FAF1: variants seen among roughly 807,000 people sequenced by gnomAD.
FAF1 encodes the protein Fas associated factor 1.
Under a neutral mutation model 92.5 loss-of-function variants are expected in FAF1, and 25 were observed. The observed-to-expected ratio is 0.27, with a 90% CI of 0.20 to 0.38. The LOEUF (loss-of-function observed/expected upper bound fraction) is 0.38. FAF1 is among the 10% of genes least tolerant of loss of function. The pLI is 1.00. For missense variants in FAF1, 636 were observed against 793.3 expected, an observed-to-expected ratio of 0.80 and a Z score of 2.38; for synonymous variants, 234 against 273.2, an observed-to-expected ratio of 0.86 and a Z score of 1.42.
chr1:50,569,627 G>C (rs959684803), intron 12 of FAF1, among the ~76,000 whole-genome samples: 1 of 152,152 alleles, frequency 6.6e-6, no homozygotes, highest in African/African-American at 2.4e-5. Flanking sequence ...GTGGGAAAAA[G>C]AGAGCTGTCC....
At chr1:50,720,906 A>C (rs1251814118) in intron 6 of FAF1, among the ~76,000 whole-genome samples, 1 of 152,110 alleles carries the variant, frequency 6.6e-6, no homozygotes, top group Non-Finnish European at 1.5e-5. Context: ...ACCATCCACC[A>C]GAAGCCCCAC....
intron 15 of FAF1, among the ~76,000 whole-genome samples, chr1:50,498,469 G>A (rs1572786961): frequency 6.6e-6 from 1 of 152,142 alleles, no homozygotes; most frequent in East Asian, 1.9e-4. Flanking sequence ...CAGAATGGAA[G>A]AAAATATTTG....
chr1:50,530,905 TAAAC>T (rs1248936903), intron 15 of FAF1, among the ~76,000 whole-genome samples: 1 of 152,118 alleles, frequency 6.6e-6, no homozygotes. Flanking sequence ...GATGAGATTT[TAAAC>T]AAAGGAAAGG....
chr1:50,706,084 C>G, intron 6 of FAF1, 193 bp from the exon 7 acceptor site: 1 of 477,178 alleles, frequency 2.1e-6, no homozygotes, highest in Non-Finnish European at 3.8e-6. Flanking sequence ...CCTGTTAACT[C>G]TTTCTCTACC....
chr1:50,457,506 A>G (rs1646368231), intron 18 of FAF1, among the ~76,000 whole-genome samples: 1 of 152,206 alleles, frequency 6.6e-6, no homozygotes. Context: ...CTGCGAAAGC[A>G]ACTAGAATAC....
At position 50,670,345 on chromosome 1, in the gene FAF1, C is replaced by A. The variant is rs765915657; in HGVS notation, c.658-14817G>T. On this transcript the variant is annotated intron_variant, in intron 7 of 18. Transcript: ENST00000396153. ...TCAAACAATCTGCCTACCTGCACCTCCCAAAGTGCTGGGATTACAGGTGTG... is the reference window on the plus strand; with the variant it reads ...TCAAACAATCTGCCTACCTGCACCTACCAAAGTGCTGGGATTACAGGTGTG... 1.2e-4 allele frequency among the ~76,000 whole-genome samples: 18 copies of A among 152,006 alleles called. No individual in the cohort carries two copies. In the East Asian group the frequency reaches 3.5e-3, roughly 29 times the overall value.
intron 15 of FAF1, among the ~76,000 whole-genome samples, chr1:50,519,586 G>A (rs1358957834): frequency 5.3e-5 from 8 of 152,298 alleles, no homozygotes; most frequent in Admixed American, 6.5e-5. Context: ...TTTTGGTGTG[G>A]TTTATGCTAA....
At chr1:50,835,111 A>G (rs1644188716) in intron 2 of FAF1, among the ~76,000 whole-genome samples, 1 of 152,212 alleles carries the variant, frequency 6.6e-6, no homozygotes, top group Non-Finnish European at 1.5e-5. Context: ...TGAAGATGAG[A>G]AAAGAAGGCA....
At chr1:50,835,029 G>C (rs1644187817) in intron 2 of FAF1, among the ~76,000 whole-genome samples, 1 of 152,172 alleles carries the variant, frequency 6.6e-6, no homozygotes, top group South Asian at 2.1e-4. Context: ...AGGGCAAGCA[G>C]TTATGACAGA....
At chr1:50,533,989 T>C (rs1648326485) in intron 15 of FAF1, among the ~76,000 whole-genome samples, 1 of 152,190 alleles carries the variant, frequency 6.6e-6, no homozygotes, top group South Asian at 2.1e-4. Context: ...ATCATACCAA[T>C]CTGTGCTAGA....
At chr1:50,514,677 A>T (rs1040998954) in intron 15 of FAF1, among the ~76,000 whole-genome samples, 1 of 152,154 alleles carries the variant, frequency 6.6e-6, no homozygotes, top group Non-Finnish European at 1.5e-5. Flanking sequence ...TTTCTGATGG[A>T]GATGTTTAGA....
chr1:50,618,830 C>G (rs1449602495), intron 8 of FAF1, among the ~76,000 whole-genome samples: 1 of 151,792 alleles, frequency 6.6e-6, no homozygotes, highest in Non-Finnish European at 1.5e-5. Context: ...CTCACTGCAG[C>G]ATCTGCCTCC....
intron 6 of FAF1, among the ~76,000 whole-genome samples, chr1:50,709,373 T>C (rs1341638847): frequency 6.6e-6 from 1 of 152,208 alleles, no homozygotes; most frequent in Non-Finnish European, 1.5e-5. Context: ...TATGTTTTTA[T>C]AATAACTGAT....
intron 16 of FAF1, 107 bp from the exon 17 acceptor site, chr1:50,490,772 A>G: frequency 1.3e-6 from 1 of 763,956 alleles, no homozygotes. Flanking sequence ...AGAGTATGTG[A>G]CATTCAAAGG....
intron 8 of FAF1, among the ~76,000 whole-genome samples, chr1:50,614,835 G>A (rs1478310087): frequency 7.5e-5 from 9 of 120,504 alleles, no homozygotes; most frequent in East Asian, 2.4e-4. Context: ...GCGAAACTCC[G>A]TCTCAAAAAA....
chr1:50,560,276 T>C lies in FAF1; in HGVS notation c.1268+6801A>G, dbSNP rs140807898. 8.7e-3 allele frequency among the ~76,000 whole-genome samples: 1,326 copies of C among 152,306 alleles called. 9 individuals carry two copies. Among genetic ancestry groups the C allele is most frequent in the Non-Finnish European group, 0.013 (885 of 68,010 alleles). On this transcript the variant is annotated intron_variant, in intron 13 of 18. Transcript: ENST00000396153. ...CTGATAATAAGTGCTTTAAGTCAAT[T>C]AACTCTTGCCAAAGATTAAGTAATG...
At chr1:50,771,792 T>C (rs1247183761) in intron 4 of FAF1, among the ~76,000 whole-genome samples, 8 of 152,082 alleles carry the variant, frequency 5.3e-5, no homozygotes, top group Non-Finnish European at 1.2e-4. Flanking sequence ...TCCCAGCTAC[T>C]CAAGAGGCTG....
At chr1:50,760,503 C>A (rs1660281362) in intron 4 of FAF1, among the ~76,000 whole-genome samples, 1 of 152,150 alleles carries the variant, frequency 6.6e-6, no homozygotes. Context: ...GACCACGGTG[C>A]AATCAAACTA....
Position 50,655,096 on chromosome 1 carries a change from G to A in FAF1, c.744+346C>T, listed in dbSNP as rs576483336. Among the ~76,000 whole-genome samples, 17 of 151,288 alleles carry A rather than the reference G, an allele frequency of 1.1e-4. No individual in the cohort carries two copies. The South Asian group carries it at 2.5e-3, about 22-fold the overall frequency. ...AGTGATTCTCTTATCTCAACCTCCT[G>A]AGTAGTGGGATTAGAGGCGGCCGCC... is the stretch of plus-strand genomic sequence containing the variant. On this transcript the variant is annotated intron_variant, in intron 8 of 18. Transcript: ENST00000396153.
Sources: gnomAD v4.1 joint callset for allele counts (sites outside exome capture counted in the v4.1 genomes callset) on GRCh38, gnomAD v4.1.1 for gene constraint, MANE v1.5 for transcripts, NCBI Gene and HGNC (gene_info 2026-07-23, HGNC 2026-07-21) for gene names.